Variants in ISYNA1 observed in about 807,000 individuals in gnomAD.
ISYNA1 encodes the protein inositol-3-phosphate synthase 1.
Under a neutral mutation model 50.3 loss-of-function variants are expected in ISYNA1, and 34 were observed. The observed-to-expected ratio is 0.68, with a 90% confidence interval of 0.51 to 0.90. The LOEUF is 0.90. Among genes scored for constraint, ISYNA1 ranks in the 40% least tolerant of loss-of-function variants. The pLI is 0.00. For missense variants in ISYNA1, 718 were observed against 784.8 expected (o/e 0.91, Z 1.02); for synonymous variants, 396 against 349.9 (o/e 1.13, Z -1.47).
In ISYNA1 at chr19:18,434,936, C is replaced by G; in HGVS notation, c.1654G>C (p.Glu552Gln). ...TGDANGHLQE[E>Q]PPMPTT ...CCTCAGGTGGTGGGCATTGGGGGCTCCTCTTGCAGATGCCCATTGGCATCA... is the reference window on the plus strand; with the variant it reads ...CCTCAGGTGGTGGGCATTGGGGGCTGCTCTTGCAGATGCCCATTGGCATCA... Residue 552 changes from glutamate to glutamine, a missense_variant, in exon 11 of 11, where the codon GAG (glutamate) becomes CAG (glutamine). By Grantham distance (29) the Glu-to-Gln change is conservative. Around this residue, in one of 3 missense-constraint regions of ISYNA1, gnomAD observed 305 missense variants for 292.6 expected, o/e 1.04. Coordinates refer to ENST00000338128, the MANE Select transcript of ISYNA1 (RefSeq NM_016368.5). 1 of 1,613,164 alleles carries G rather than the reference C, an allele frequency of 6.2e-7. No homozygotes were observed. The highest frequency in any genetic ancestry group is 8.5e-7 in the Non-Finnish European group (1 of 1,179,984).
In ISYNA1 at chr19:18,435,387, G is replaced by A. The variant is rs746789148; in HGVS notation, c.1351C>T (p.Gln451Ter). ...SFCTDMDPEP[Q>*]TFHPVLSLLS... ...AGGGACAGCACGGGGTGGAAGGTCT[G>A]CGGCTCGGGGTCCATGTCAGTGCAG... Residue 451 changes from glutamine to a stop codon, truncating the protein, a stop_gained, in exon 10 of 11, where the codon CAG becomes TAG. Transcript: ENST00000338128. LOFTEE classifies it high-confidence loss of function. 2 of 1,611,444 alleles carry A rather than the reference G, an allele frequency of 1.2e-6. No individual in the cohort carries two copies. The highest frequency in any genetic ancestry group is 1.7e-5 in the Admixed American group (1 of 60,026).
rs751695972 is a variant in ISYNA1, at chr19:18,436,126, T to C, written c.881A>G (p.Gln294Arg). The C allele has an allele frequency of 3.7e-6, 6 of 1,612,928 alleles. No homozygotes were observed. In the East Asian group the frequency reaches 1.3e-4, roughly 36 times the overall value. The change falls in exon 7 of 11, where the codon CAG (glutamine) becomes CGG (arginine). Residue 294 changes from glutamine to arginine, a missense_variant. This residue lies in a region of ISYNA1 where 403 missense variants were observed against 466.6 expected (regional missense o/e 0.86). Transcript: ENST00000338128. ...ATCTCCGCCCACAAAAACCCGGTGC[T>C]GCCACGCGAGCTCAAGAGCTCCGGG... The part of the protein sequence containing the change: ...LVPGALELAW[Q>R]HRVFVGGDDF...
Position 18,435,000 on chromosome 19 carries a change from CTTG to C in ISYNA1, c.1587_1589del (p.Asn529del). The C allele has an allele frequency of 6.2e-6, 10 of 1,613,542 alleles. No individual in the cohort carries two copies. The highest frequency in any genetic ancestry group is 8.5e-6 in the Non-Finnish European group (10 of 1,180,014). On this transcript the variant is annotated inframe_deletion, in exon 11 of 11. Transcript: ENST00000338128. ...TGGTGGCAGCGGGTACCGGTCCTTT[CTTG>C]TTCAACATAGGGTAGGTGGCAGCCA...
At position 18,436,222 on chromosome 19, in the gene ISYNA1, G is replaced by A. The variant is rs1354322244; in HGVS notation, c.785C>T (p.Thr262Met). ...CAGGATGCTGGCCACGGCGAAGAGC[G>A]TGGAGGGCGACACCTCCAGACCGAG... ...IELGLEVSPS[T>M]LFAVASILEG... Residue 262 changes from threonine to methionine, a missense_variant, in exon 7 of 11, where the codon ACG becomes ATG. By Grantham distance (81) the Thr-to-Met change is moderately conservative. This residue lies in a region of ISYNA1 where 403 missense variants were observed against 466.6 expected (regional missense o/e 0.86). Transcript: ENST00000338128. The A allele has an allele frequency of 2.5e-6, 4 of 1,609,572 alleles. No homozygotes were observed. Among genetic ancestry groups the A allele is most frequent in the Non-Finnish European group, 2.5e-6 (3 of 1,179,972 alleles).
At position 18,436,132 on chromosome 19, in the gene ISYNA1, G is replaced by GC. The variant is rs1368568607; in HGVS notation, c.874dup (p.Ala292GlyfsTer12). The GC allele has an allele frequency of 3.1e-6, 5 of 1,612,690 alleles. No homozygotes were observed. The highest frequency in any genetic ancestry group is 3.4e-6 in the Non-Finnish European group (4 of 1,179,952). Reference sequence around the variant, plus strand: ...GCCCACAAAAACCCGGTGCTGCCACGCGAGCTCAAGAGCTCCGGGCACCAG... The same window carrying GC: ...GCCCACAAAAACCCGGTGCTGCCACGCCGAGCTCAAGAGCTCCGGGCACCAG... On this transcript the variant is annotated frameshift_variant, in exon 7 of 11. Transcript: ENST00000338128. LOFTEE classifies it high-confidence loss of function.
In ISYNA1 at chr19:18,435,858, A is replaced by G; in HGVS notation, c.1039T>C (p.Leu347=). Residue 347 remains leucine, a synonymous_variant, in exon 8 of 11, where the codon TTG becomes CTG. Transcript: ENST00000338128. ...GACACCTCCTTAGAGCGGAACTGCAATGGCGCCGATAGGTTCTCCCCATCG... is the reference window on the plus strand; with the variant it reads ...GACACCTCCTTAGAGCGGAACTGCAGTGGCGCCGATAGGTTCTCCCCATCG... ...NNDGENLSAP[L]QFRSKEVSKS... is the part of the protein sequence containing the mutation. 1.9e-6 allele frequency: 3 copies of G among 1,614,010 alleles called. No individual in the cohort carries two copies. Among genetic ancestry groups the G allele is most frequent in the Non-Finnish European group, 2.5e-6 (3 of 1,179,942 alleles).
chr19:18,436,123 T>G lies in ISYNA1; in HGVS notation c.884A>C (p.His295Pro). 1 of 1,612,912 alleles carries G rather than the reference T, an allele frequency of 6.2e-7. No individual in the cohort carries two copies. Among genetic ancestry groups the G allele is most frequent in the Non-Finnish European group, 8.5e-7 (1 of 1,179,916 alleles). ...GTCATCTCCGCCCACAAAAACCCGG[T>G]GCTGCCACGCGAGCTCAAGAGCTCC... ...VPGALELAWQ[H>P]RVFVGGDDFK... is the part of the protein sequence containing the mutation. The change falls in exon 7 of 11, where the codon CAC becomes CCC. Residue 295 changes from histidine to proline, a missense_variant. Physicochemically the swap from His to Pro is moderately conservative, Grantham distance 77 (BLOSUM62 -2). Coordinates refer to ENST00000338128, the MANE Select transcript of ISYNA1 (RefSeq NM_016368.5).
At position 18,434,398 on chromosome 19, in the gene ISYNA1, A is replaced by T; in HGVS notation, c.*515T>A. ...AGGCCCCACACGAAAGACTCTTACC[A>T]TTTTATTAAAAACGCAAGGACCTCA... On this transcript the variant is annotated 3_prime_UTR_variant, in exon 11 of 11. Transcript: ENST00000338128. 7.4e-7 allele frequency: 1 copy of T among 1,355,346 alleles called. No homozygotes were observed. The highest frequency in any genetic ancestry group is 9.6e-7 in the Non-Finnish European group (1 of 1,036,600). 84.0% of individuals were successfully genotyped at this position (1,355,346 alleles called of 1,614,324 possible).
At chr19:18,435,508 T>C in intron 9 of ISYNA1, 25 bp from the exon 10 acceptor site, 4 of 1,606,402 alleles carry the variant, frequency 2.5e-6, no homozygotes, top group Non-Finnish European at 3.4e-6. Flanking sequence ...GGTCAGGAGA[T>C]GGGGGCGGTG....
rs764100802 is a variant in ISYNA1, at chr19:18,436,879, TG to T, written c.416-3del. ...GGTTCAGCGACGAGATGTCCCAGCCTGGGGGGACCCTCACACTCGGCCCTGC... is the reference window on the plus strand; with the variant it reads ...GGTTCAGCGACGAGATGTCCCAGCCTGGGGGACCCTCACACTCGGCCCTGC... On this transcript the variant is annotated splice_region_variant and splice_polypyrimidine_tract_variant and intron_variant, in intron 4 of 10. Transcript: ENST00000338128. 4 of 1,597,864 alleles carry T rather than the reference TG, an allele frequency of 2.5e-6. No homozygotes were observed. Among genetic ancestry groups the T allele is most frequent in the South Asian group, 1.1e-5 (1 of 89,844 alleles).
At chr19:18,436,642 G>A in intron 5 of ISYNA1, 42 bp downstream of exon 5, 2 of 1,587,642 alleles carry the variant, frequency 1.3e-6, no homozygotes, top group African/African-American at 1.3e-5. Flanking sequence ...AAGTGGCGAA[G>A]AACAGGTGGC....
At position 18,438,133 on chromosome 19, in the gene ISYNA1, G is replaced by T. The variant is rs893144235; in HGVS notation, c.-50C>A. ...TCAGGCAGCGGCGGCGGACAGCGCG[G>T]GCTCTCGGGCGCGCGACCTCCGGAG... On this transcript the variant is annotated 5_prime_UTR_variant, in exon 1 of 11. Coordinates refer to ENST00000338128, the MANE Select transcript of ISYNA1 (RefSeq NM_016368.5). 9.7e-5 allele frequency: 75 copies of T among 774,750 alleles called. 1 individual carries two copies. Among genetic ancestry groups the T allele is most frequent in the Middle Eastern group, 3.9e-4 (1 of 2,572 alleles). The allele number at this position is 774,750 out of a possible 1,614,324, so 48.0% of individuals were successfully genotyped here.
chr19:18,436,426 G>C lies in ISYNA1; in HGVS notation c.663C>G (p.Asp221Glu). The C allele has an allele frequency of 6.2e-7, 1 of 1,610,410 alleles. No homozygotes were observed. Among genetic ancestry groups the C allele is most frequent in the Non-Finnish European group, 8.5e-7 (1 of 1,179,856 alleles). ...TCGCCGTCCACAGCACTATGACTTT[G>C]TCCAGCCCCGCGCTAGACCGGAAGT... Reference protein sequence around the residue: ...IRDFRSSAGLDKVIVLWTANT... With the variant: ...IRDFRSSAGLEKVIVLWTANT... The change falls in exon 6 of 11, where the codon GAC (aspartate) becomes GAG (glutamate). Residue 221 changes from aspartate to glutamate, a missense_variant. By Grantham distance (45) the Asp-to-Glu change is conservative. Coordinates refer to ENST00000338128, the MANE Select transcript of ISYNA1 (RefSeq NM_016368.5).
At chr19:18,436,548 C>A in intron 5 of ISYNA1, 69 bp from the exon 6 acceptor site, 2 of 1,598,102 alleles carry the variant, frequency 1.3e-6, no homozygotes, top group Admixed American at 1.7e-5. Context: ...TACATACTCT[C>A]GGACTCACAG....
At position 18,434,974 on chromosome 19, in the gene ISYNA1, T is replaced by C. The variant is rs143175757; in HGVS notation, c.1616A>G (p.Asn539Ser). 12 of 1,613,402 alleles carry C rather than the reference T, an allele frequency of 7.4e-6. No homozygotes were observed. The highest frequency in any genetic ancestry group is 2.7e-5 in the African/African-American group (2 of 74,876). Residue 539 changes from asparagine to serine, a missense_variant, in exon 11 of 11, where the codon AAT becomes AGT. Physicochemically the swap from Asn to Ser is conservative, Grantham distance 46. Transcript: ENST00000338128. Reference protein sequence around the residue: ...NKKGPVPAATNGCTGDANGHL... With the variant: ...NKKGPVPAATSGCTGDANGHL... ...CCCATTGGCATCACCGGTGCAGCCA[T>C]TGGTGGCAGCGGGTACCGGTCCTTT...
chr19:18,436,610 G>C, intron 5 of ISYNA1, 74 bp downstream of exon 5: 2 of 1,599,168 alleles, frequency 1.3e-6, no homozygotes, highest in South Asian at 1.1e-5. Flanking sequence ...GGATTCGCGG[G>C]GTGGGGCAAA....
chr19:18,437,146 G>A (rs919585290), intron 3 of ISYNA1, 41 bp from the exon 4 acceptor site: 11 of 1,533,292 alleles, frequency 7.2e-6, no homozygotes, highest in African/African-American at 2.7e-5. Flanking sequence ...GGTGGGAGTG[G>A]TGAAAGGGCC....
chr19:18,436,896 T>C lies in ISYNA1; in HGVS notation c.416-19A>G. On this transcript the variant is annotated intron_variant, in intron 4 of 10. Coordinates refer to ENST00000338128, the MANE Select transcript of ISYNA1 (RefSeq NM_016368.5). ...TCCCAGCCTGGGGGGACCCTCACACTCGGCCCTGCCCGGATCCTGGGCCCC... is the reference window on the plus strand; with the variant it reads ...TCCCAGCCTGGGGGGACCCTCACACCCGGCCCTGCCCGGATCCTGGGCCCC... The C allele has an allele frequency of 6.3e-7, 1 of 1,594,268 alleles. No homozygotes were observed. Among genetic ancestry groups the C allele is most frequent in the Non-Finnish European group, 8.5e-7 (1 of 1,172,200 alleles).
At position 18,435,588 on chromosome 19, in the gene ISYNA1, G is replaced by A; in HGVS notation, c.1229C>T (p.Thr410Ile). Residue 410 changes from threonine (T) to isoleucine (I), a missense_variant, in exon 9 of 11, where the codon ACA becomes ATA. By Grantham distance (89) the Thr-to-Ile change is moderately conservative. This residue lies in a region of ISYNA1 where 305 missense variants were observed against 292.6 expected (regional missense o/e 1.04). Coordinates refer to ENST00000338128, the MANE Select transcript of ISYNA1 (RefSeq NM_016368.5). Reference sequence around the variant, plus strand: ...CTCACACGTGTTGTGCAGCACCAGTGTGTTGGTTCCGCCCAGCATCAGCTC... The same window carrying A: ...CTCACACGTGTTGTGCAGCACCAGTATGTTGGTTCCGCCCAGCATCAGCTC... ...TSELMLGGTNTLVLHNTCEDS... is the reference protein window; with the variant it reads ...TSELMLGGTNILVLHNTCEDS... 1.9e-6 allele frequency: 3 copies of A among 1,609,312 alleles called. No individual in the cohort carries two copies. The highest frequency in any genetic ancestry group is 1.7e-6 in the Non-Finnish European group (2 of 1,178,192).
Sources: gnomAD v4.1 joint callset for allele counts on GRCh38, gnomAD v4.1.1 for gene constraint, gnomAD v4.1.1 regional missense constraint, MANE v1.5 for transcripts, NCBI Gene and HGNC (gene_info 2026-07-23, HGNC 2026-07-21) for gene names.